PLCXD1: variants seen among roughly 807,000 people sequenced by gnomAD.
The protein encoded by PLCXD1 is PI-PLC X domain-containing protein 1.
In PLCXD1, 45 loss-of-function variants were observed where a neutral mutation model predicts 37.8. That is an observed-to-expected ratio of 1.19 (90% CI 0.94 to 1.53). The LOEUF (loss-of-function observed/expected upper bound fraction) is 1.53. Ranked by LOEUF, PLCXD1 falls within the 40% of genes most tolerant of loss-of-function variation. The probability of loss-of-function intolerance (pLI) is 0.00; values close to 1 mark genes in which losing one functional copy is unlikely to be tolerated. For missense variants in PLCXD1, 539 were observed against 454.7 expected (o/e 1.19, Z -1.69); for synonymous variants, 246 against 206.9 (o/e 1.19, Z -1.62).
Position 299,576 on chromosome X carries a change from G to A in PLCXD1, c.*241G>A. On this transcript the variant is annotated 3_prime_UTR_variant, in exon 7 of 7. Transcript: ENST00000381657. ...AGCTTGAGAGCAGCCTGACCAACAT[G>A]GTGAAATCCCATCTCTACTAAAAAT... is the stretch of plus-strand genomic sequence containing the variant. The A allele has an allele frequency of 1.7e-6, 1 of 585,642 alleles. No homozygotes were observed. 36.3% of individuals were successfully genotyped at this position (585,642 alleles called of 1,614,324 possible).
intron 3 of PLCXD1, 89 bp from the exon 4 acceptor site, chrX:290,559 A>G (rs1271395099): frequency 2.1e-6 from 3 of 1,425,128 alleles, no homozygotes; most frequent in Non-Finnish European, 2.9e-6. Flanking sequence ...GCAGCAGGAC[A>G]TGCGGGTGGG....
intron 4 of PLCXD1, among the ~76,000 whole-genome samples, chrX:291,150 G>C (rs759229415): frequency 4.3e-4 from 64 of 148,766 alleles, no homozygotes; most frequent in African/African-American, 1.5e-3. Context: ...TTTTTTTTTT[G>C]CTTTTTTTTT....
chrX:296,716 A>G (rs1455685057), intron 6 of PLCXD1, among the ~76,000 whole-genome samples: 2 of 152,074 alleles, frequency 1.3e-5, no homozygotes, highest in Admixed American at 6.5e-5. Context: ...CCAAGACAAC[A>G]GCATTCTTCC....
At chrX:291,239 G>C (rs1489715630) in intron 4 of PLCXD1, among the ~76,000 whole-genome samples, 2 of 151,394 alleles carry the variant, frequency 1.3e-5, no homozygotes, top group Non-Finnish European at 2.9e-5. Context: ...TCTGCCTCCT[G>C]GGTTCAGGCA....
intron 5 of PLCXD1, 140 bp downstream of exon 5, chrX:291,794 C>G: frequency 2.1e-6 from 2 of 950,562 alleles, no homozygotes; most frequent in Non-Finnish European, 3.3e-6. Context: ...GCTGCCTGCT[C>G]TCCCGCAGTG....
At chrX:278,241 G>A (rs2069193649), upstream of PLCXD1, among the ~76,000 whole-genome samples, 1 of 148,784 alleles carries the variant, frequency 6.7e-6, no homozygotes, top group Non-Finnish European at 1.5e-5. Flanking sequence ...TATGATGAAG[G>A]TGACGGGAGG....
At position 301,468 on chromosome X, in the gene PLCXD1, TCTGGCTCTGTTGCTCAGG is replaced by T. The variant is rs2124421553; in HGVS notation, c.*2138_*2155del. 6.6e-6 allele frequency: 1 copy of T among 151,766 alleles called. No individual in the cohort carries two copies. The highest frequency in any genetic ancestry group is 1.9e-4 in the East Asian group (1 of 5,140). 9.4% of individuals were successfully genotyped at this position (151,766 alleles called of 1,614,324 possible). A position where few individuals can be genotyped will look rare whatever the true frequency, so the allele number is the denominator to read the frequency against. On this transcript the variant is annotated 3_prime_UTR_variant, in exon 7 of 7. Coordinates refer to ENST00000381657, the MANE Select transcript of PLCXD1 (RefSeq NM_018390.4). ...GCTAATTTTTTTTGTAGAGATGGGGTCTGGCTCTGTTGCTCAGGCTGGTGTGTAGTAGGGGCACAGTCA... is the reference window on the plus strand; with the variant it reads ...GCTAATTTTTTTTGTAGAGATGGGGTCTGGTGTGTAGTAGGGGCACAGTCA...
At chrX:286,964 C>G (rs2069466266) in intron 2 of PLCXD1, among the ~76,000 whole-genome samples, 1 of 151,256 alleles carries the variant, frequency 6.6e-6, no homozygotes, top group South Asian at 2.1e-4. Context: ...CTCTCGGGGT[C>G]TGGGGATTTA....
Position 284,257 on chromosome X carries a change from A to C in PLCXD1, c.70A>C (p.Met24Leu). The stretch of plus-strand genomic sequence containing the variant: ...CTGCAGAAATGCCAACGAGGACTGG[A>C]TGTCGGCACTGTGTCCCCGGCTCTG... ...LHCRNANEDW[M>L]SALCPRLWDV... Residue 24 changes from methionine to leucine, a missense_variant, in exon 2 of 7, where the codon ATG (methionine) becomes CTG (leucine). Coordinates refer to ENST00000381657, the MANE Select transcript of PLCXD1 (RefSeq NM_018390.4). 6.2e-7 allele frequency: 1 copy of C among 1,613,240 alleles called. No homozygotes were observed. The highest frequency in any genetic ancestry group is 8.5e-7 in the Non-Finnish European group (1 of 1,179,480).
chrX:284,729 A>C (rs934512829), intron 2 of PLCXD1, among the ~76,000 whole-genome samples: 13 of 151,920 alleles, frequency 8.6e-5, no homozygotes, highest in African/African-American at 3.1e-4. Flanking sequence ...GCTGCTAACA[A>C]AGACATACCC....
chrX:283,099 C>G (rs1233545947), intron 1 of PLCXD1: 1 of 147,920 alleles, frequency 6.8e-6, no homozygotes, highest in Non-Finnish European at 1.5e-5. Flanking sequence ...GTAGGCGACA[C>G]GGACACACGT....
Position 290,764 on chromosome X carries a change from G to C in PLCXD1, c.381G>C (p.Thr127=). 1 of 1,613,472 alleles carries C rather than the reference G, an allele frequency of 6.2e-7. No homozygotes were observed. Among genetic ancestry groups the C allele is most frequent in the Non-Finnish European group, 8.5e-7 (1 of 1,179,666 alleles). ...NLHFVHMVYT[T]ALVEDTLTEI... is the part of the protein sequence containing the mutation. The stretch of plus-strand genomic sequence containing the variant: ...ACTTTGTCCATATGGTGTACACAAC[G>C]GCGCTGGTGGAGGTGCGGCCGGGCT... Residue 127 remains threonine (T), a synonymous_variant, in exon 4 of 7, where the codon ACG becomes ACC. Transcript: ENST00000381657.
chrX:283,951 C>T (rs982110876), intron 1 of PLCXD1: 9 of 499,718 alleles, frequency 1.8e-5, no homozygotes, highest in South Asian at 9.8e-5. Context: ...GCGGGATCTC[C>T]GCTCACTGTA....
chrX:295,126 G>A (rs774703939), intron 6 of PLCXD1, among the ~76,000 whole-genome samples: 82 of 150,822 alleles, frequency 5.4e-4, no homozygotes, highest in African/African-American at 1.7e-3. Context: ...CCGAAATCGC[G>A]CCACAGCACT....
At chrX:285,680 C>G (rs1321394499) in intron 2 of PLCXD1, among the ~76,000 whole-genome samples, 1 of 152,108 alleles carries the variant, frequency 6.6e-6, no homozygotes, top group South Asian at 2.1e-4. Context: ...CGTCCATGCA[C>G]ACAGGAACAC....
Position 281,887 on chromosome X carries a change from A to G in PLCXD1, c.-22+203A>G, listed in dbSNP as rs2069285810. ...CTCAGCCTCCTGAGTAGCTGGGATTACAGGCGTGCGCCACCACGGCCGGCT... is the reference window on the plus strand; with the variant it reads ...CTCAGCCTCCTGAGTAGCTGGGATTGCAGGCGTGCGCCACCACGGCCGGCT... On this transcript the variant is annotated intron_variant, in intron 1 of 6. Transcript: ENST00000381657. Among the ~76,000 whole-genome samples the G allele has an allele frequency of 1.3e-5, 2 of 151,980 alleles. 1 individual carries two copies. Among genetic ancestry groups the G allele is most frequent in the Non-Finnish European group, 2.9e-5 (2 of 68,018 alleles).
intron 6 of PLCXD1, among the ~76,000 whole-genome samples, 190 bp from the exon 7 acceptor site, chrX:298,907 C>G (rs1818040136): frequency 6.6e-6 from 1 of 152,070 alleles, no homozygotes; most frequent in Non-Finnish European, 1.5e-5. Flanking sequence ...GGTGTTACGA[C>G]GTGAGCATCT....
At chrX:288,071 G>A (rs948593006) in intron 2 of PLCXD1, among the ~76,000 whole-genome samples, 3 of 151,224 alleles carry the variant, frequency 2.0e-5, no homozygotes, top group African/African-American at 7.3e-5. Context: ...TCCAGTCTCT[G>A]CCTCCATCTC....
intron 2 of PLCXD1, among the ~76,000 whole-genome samples, chrX:286,367 T>C (rs1224541685): frequency 6.6e-6 from 1 of 152,058 alleles, no homozygotes; most frequent in African/African-American, 2.4e-5. Flanking sequence ...ACCCGACATC[T>C]TAGGTTAATT....
Sources: allele counts gnomAD v4.1 joint callset (sites outside exome capture counted in the v4.1 genomes callset), GRCh38; gene constraint gnomAD v4.1.1; transcripts MANE v1.5; gene names NCBI Gene and HGNC (gene_info 2026-07-23, HGNC 2026-07-21).